SCN9A: variants seen among roughly 807,000 people sequenced by gnomAD.
SCN9A encodes the protein sodium voltage-gated channel alpha subunit 9.
In SCN9A, 131 loss-of-function variants were observed where a neutral mutation model predicts 187.0. The ratio of observed to expected loss-of-function variants is 0.70; its 90% CI spans 0.61 to 0.81. The LOEUF (loss-of-function observed/expected upper bound fraction) is 0.81, where lower values mean the gene tolerates loss of function less well. Among genes scored for constraint, SCN9A ranks in the 30% least tolerant of loss-of-function variants. The pLI, the probability that SCN9A is intolerant of heterozygous loss-of-function variation, is 0.00. For missense variants in SCN9A, 2,252 were observed against 2,396.6 expected, an observed-to-expected ratio of 0.94 and a Z score of 1.26; for synonymous variants, 809 against 808.6, an observed-to-expected ratio of 1.00 and a Z score of -0.01.
At chr2:166,304,682 T>C (rs541215463) in intron 5 of SCN9A, among the ~76,000 whole-genome samples, 1 of 152,220 alleles carries the variant, frequency 6.6e-6, no homozygotes, top group East Asian at 1.9e-4. Flanking sequence ...GCATACTGTT[T>C]GATATTTCCA....
chr2:166,308,524 G>C (rs1217021464), intron 2 of SCN9A, among the ~76,000 whole-genome samples: 2 of 152,146 alleles, frequency 1.3e-5, no homozygotes, highest in Non-Finnish European at 2.9e-5. Flanking sequence ...GACCATGATT[G>C]TAAGTTTTCT....
In SCN9A at chr2:166,283,816, A is replaced by AGT. The variant is rs202246461; in HGVS notation, c.1974+635_1974+636dup. The stretch of plus-strand genomic sequence containing the variant: ...TGCACATTGGAGAGATAGCAGAGTG[A>AGT]GTGGTTAAGAGCACAAGATCTGAAA... On this transcript the variant is annotated intron_variant, in intron 12 of 26. Transcript: ENST00000642356. 8.3e-3 allele frequency among the ~76,000 whole-genome samples: 1,267 copies of AGT among 152,286 alleles called. 13 individuals are homozygous for AGT. The highest frequency in any genetic ancestry group is 0.029 in the African/African-American group (1,207 of 41,554).
At chr2:166,355,462 C>CT (rs1341022120) in intron 1 of SCN9A, among the ~76,000 whole-genome samples, 4 of 151,826 alleles carry the variant, frequency 2.6e-5, no homozygotes, top group African/African-American at 7.3e-5. Context: ...GTCTCTTGAT[C>CT]TTTTTTCTAT....
chr2:166,281,912 G>T, intron 12 of SCN9A, 104 bp from the exon 13 acceptor site: 1 of 1,038,496 alleles, frequency 9.6e-7, no homozygotes, highest in South Asian at 1.9e-5. Flanking sequence ...TAAAAGTAGA[G>T]CCTAGATTGC....
At chr2:166,213,525 T>C (rs764987853) in intron 24 of SCN9A, among the ~76,000 whole-genome samples, 3 of 149,024 alleles carry the variant, frequency 2.0e-5, no homozygotes, top group Non-Finnish European at 4.5e-5. Flanking sequence ...AAAAAAGAAA[T>C]GTACAGGACC....
chr2:166,316,873 A>T (rs1247783928), intron 1 of SCN9A, among the ~76,000 whole-genome samples: 1 of 152,136 alleles, frequency 6.6e-6, no homozygotes, highest in African/African-American at 2.4e-5. Flanking sequence ...TATTTTTATA[A>T]TATTGAAAAA....
chr2:166,257,269 C>T (rs1045027299), intron 17 of SCN9A, among the ~76,000 whole-genome samples: 1 of 151,518 alleles, frequency 6.6e-6, no homozygotes, highest in African/African-American at 2.4e-5. Flanking sequence ...AGGATTGGAA[C>T]CTTAGCAAAC....
chr2:166,226,626 A>G lies in SCN9A; in HGVS notation c.4339T>C (p.Phe1447Leu). The G allele has an allele frequency of 2.5e-6, 4 of 1,591,554 alleles. No individual in the cohort carries two copies. Among genetic ancestry groups the G allele is most frequent in the Non-Finnish European group, 3.4e-6 (4 of 1,168,368 alleles). The part of the protein sequence containing the change: ...FVVFIIFGSF[F>L]TLNLFIGVII... ...ACACCAATGAACAAGTTCAAAGTGAAGAATGACCCAAAGATGATAAAGACG... is the reference window on the plus strand; with the variant it reads ...ACACCAATGAACAAGTTCAAAGTGAGGAATGACCCAAAGATGATAAAGACG... Residue 1447 changes from phenylalanine to leucine, a missense_variant, in exon 24 of 27, where the codon TTC becomes CTC. Around this residue, in one of 7 missense-constraint regions of SCN9A, gnomAD observed 368 missense variants for 408.6 expected, o/e 0.90. Coordinates refer to ENST00000642356, the MANE Select transcript of SCN9A (RefSeq NM_001365536.1).
intron 18 of SCN9A, among the ~76,000 whole-genome samples, chr2:166,244,741 T>C (rs546649267): frequency 7.2e-5 from 11 of 152,158 alleles, no homozygotes; most frequent in African/African-American, 2.4e-4. Flanking sequence ...ATGGTGGAAG[T>C]ATGTCACACT....
intron 8 of SCN9A, among the ~76,000 whole-genome samples, chr2:166,294,097 G>A (rs1259456074): frequency 6.6e-6 from 1 of 152,098 alleles, no homozygotes; most frequent in African/African-American, 2.4e-5. Flanking sequence ...GCAGCAAGAT[G>A]GACAGTTGAA....
At chr2:166,286,788 A>C (rs1191940676) in intron 10 of SCN9A, among the ~76,000 whole-genome samples, 165 bp from the exon 11 acceptor site, 1 of 152,196 alleles carries the variant, frequency 6.6e-6, no homozygotes, top group Non-Finnish European at 1.5e-5. Context: ...AATGCTTACA[A>C]AGTATATATT....
At chr2:166,328,459 T>G (rs1320457756) in intron 1 of SCN9A, among the ~76,000 whole-genome samples, 1 of 152,118 alleles carries the variant, frequency 6.6e-6, no homozygotes, top group African/African-American at 2.4e-5. Flanking sequence ...CCCCTCTATG[T>G]GTCTCACTTA....
intron 21 of SCN9A, among the ~76,000 whole-genome samples, chr2:166,229,183 A>G (rs1694978154): frequency 6.6e-6 from 1 of 152,200 alleles, no homozygotes; most frequent in Admixed American, 6.5e-5. Flanking sequence ...GAACTCTGTG[A>G]TCACCAGGCT....
At chr2:166,325,361 T>G (rs563353671) in intron 1 of SCN9A, among the ~76,000 whole-genome samples, 9 of 152,238 alleles carry the variant, frequency 5.9e-5, no homozygotes, top group African/African-American at 1.9e-4. Flanking sequence ...CAATAGGAGA[T>G]CCATTAGAAA....
At position 166,268,391 on chromosome 2, in the gene SCN9A, T is replaced by C. The variant is rs1432377692; in HGVS notation, c.3351+4008A>G. On this transcript the variant is annotated intron_variant, in intron 17 of 26. Coordinates refer to ENST00000642356, the MANE Select transcript of SCN9A (RefSeq NM_001365536.1). The stretch of plus-strand genomic sequence containing the variant: ...TGCCTCTTTGGCTCATCCAGGCTCA[T>C]CACAAACACAACCATCACTATTTCA... 1.8e-4 allele frequency among the ~76,000 whole-genome samples: 28 copies of C among 151,776 alleles called. 1 individual carries two copies. Among genetic ancestry groups the C allele is most frequent in the Admixed American group, 1.8e-3 (28 of 15,200 alleles).
chr2:166,304,364 A>T lies in SCN9A; in HGVS notation c.597-35T>A, dbSNP rs755370020. ...TAAATCAGAATTATTCAGAATTTAG[A>T]TAGAGTCTATGATACTTACCTGAGC... On this transcript the variant is annotated intron_variant, in intron 5 of 26. Coordinates refer to ENST00000642356, the MANE Select transcript of SCN9A (RefSeq NM_001365536.1). 6.4e-6 allele frequency: 10 copies of T among 1,570,518 alleles called. No individual in the cohort carries two copies. In the South Asian group the frequency reaches 1.1e-4, roughly 17 times the overall value.
intron 15 of SCN9A, 43 bp downstream of exon 15, chr2:166,278,097 C>A: frequency 2.7e-6 from 4 of 1,468,584 alleles, no homozygotes; most frequent in Non-Finnish European, 1.8e-6. Context: ...AAAGAAATAC[C>A]CCTTTATTAT....
At chr2:166,236,116 A>C (rs1173309925) in intron 20 of SCN9A, among the ~76,000 whole-genome samples, 3 of 152,046 alleles carry the variant, frequency 2.0e-5, no homozygotes, top group African/African-American at 7.2e-5. Flanking sequence ...GAAAATCTAC[A>C]TTCCTTCTAT....
At chr2:166,361,933 T>C (rs1018233524) in intron 1 of SCN9A, among the ~76,000 whole-genome samples, 1 of 152,098 alleles carries the variant, frequency 6.6e-6, no homozygotes, top group Non-Finnish European at 1.5e-5. Flanking sequence ...CCAAGCACAG[T>C]AACAGCTGCT....
Sources: allele counts gnomAD v4.1 joint callset (sites outside exome capture counted in the v4.1 genomes callset), GRCh38; gene constraint gnomAD v4.1.1; regional missense constraint gnomAD v4.1.1; transcripts MANE v1.5; gene names NCBI Gene and HGNC (gene_info 2026-07-23, HGNC 2026-07-21).